The following FRYL variants were observed in gnomAD, a reference collection of about 807,000 sequenced individuals.
FRYL encodes the protein protein furry homolog-like.
In FRYL, 150 loss-of-function variants were observed where a neutral mutation model predicts 351.2. That is an observed-to-expected ratio of 0.43 (90% CI 0.37 to 0.49). The LOEUF (loss-of-function observed/expected upper bound fraction) is 0.49, where lower values mean the gene tolerates loss of function less well. Among genes scored for constraint, FRYL ranks in the 20% least tolerant of loss-of-function variants. FRYL has a pLI of 0.00. For synonymous variants in FRYL, 1,153 were observed against 1,257.1 expected, an observed-to-expected ratio of 0.92 and a Z score of 1.75; for missense variants, 3,036 against 3,619.3, an observed-to-expected ratio of 0.84 and a Z score of 4.13.
chr4:48,703,368 T>C (rs1578770162), intron 2 of FRYL, among the ~76,000 whole-genome samples: 1 of 152,212 alleles, frequency 6.6e-6, no homozygotes, highest in East Asian at 1.9e-4. Flanking sequence ...TACAACAGTC[T>C]GCTAACCAGC....
chr4:48,619,247 A>T, intron 7 of FRYL, 27 bp downstream of exon 7: 1 of 1,403,988 alleles, frequency 7.1e-7, no homozygotes, highest in Non-Finnish European at 1.0e-6. Flanking sequence ...TAAGGAATAC[A>T]GACTTTGCAG....
At chr4:48,652,305 C>T (rs1027536015) in intron 3 of FRYL, among the ~76,000 whole-genome samples, 5 of 152,150 alleles carry the variant, frequency 3.3e-5, no homozygotes, top group Non-Finnish European at 7.4e-5. Flanking sequence ...ATAAAACTGT[C>T]TTACTATTTT....
intron 1 of FRYL, among the ~76,000 whole-genome samples, chr4:48,770,680 G>A (rs1395230552): frequency 6.6e-6 from 1 of 152,020 alleles, no homozygotes; most frequent in Non-Finnish European, 1.5e-5. Flanking sequence ...CAGGTGATCT[G>A]CCCGCCTCAG....
rs140443013 is a variant in FRYL at position 48,666,383 on chromosome 4, GTAAATAAA to G, written c.-81+18282_-81+18289del. ...CTCAGTCTCAAAAAATAAATAAAAA[GTAAATAAA>G]TAAATAAATAAATAAATAAATAAGA... On this transcript the variant is annotated intron_variant, in intron 3 of 63. Coordinates refer to ENST00000358350, the MANE Select transcript of FRYL (RefSeq NM_015030.2). Among the ~76,000 whole-genome samples, 474 of 150,128 alleles carry G rather than the reference GTAAATAAA, an allele frequency of 3.2e-3. 3 individuals carry two copies. Among genetic ancestry groups the G allele is most frequent in the East Asian group, 0.016 (82 of 5,124 alleles).
intron 1 of FRYL, among the ~76,000 whole-genome samples, chr4:48,758,067 C>T (rs1470905221): frequency 6.6e-6 from 1 of 152,152 alleles, no homozygotes; most frequent in Admixed American, 6.5e-5. Context: ...CTTCCTTACA[C>T]CTTATACAAA....
chr4:48,542,694 G>T (rs997156606), intron 44 of FRYL, among the ~76,000 whole-genome samples: 1 of 152,160 alleles, frequency 6.6e-6, no homozygotes, highest in African/African-American at 2.4e-5. Flanking sequence ...GGGATTATAG[G>T]TGTGAGCCAC....
In FRYL at chr4:48,512,369, A is replaced by T. The variant is rs192735788; in HGVS notation, c.8145+112T>A. 28 of 830,286 alleles carry T rather than the reference A, an allele frequency of 3.4e-5. No homozygotes were observed. In the East Asian group the frequency reaches 6.6e-4, roughly 20 times the overall value. The allele number at this position is 830,286 out of a possible 1,614,324, so 51.4% of individuals were successfully genotyped here. A position where few individuals can be genotyped will look rare whatever the true frequency, so the allele number is the denominator to read the frequency against. On this transcript the variant is annotated intron_variant, in intron 57 of 63. Transcript: ENST00000358350. ...AATACCATTAGCTTAGAAAAAAAAA[A>T]TTTGTTAAAACTGGTAGGAATATTA...
At chr4:48,600,825 A>G (rs538201276) in intron 13 of FRYL, among the ~76,000 whole-genome samples, 1 of 152,298 alleles carries the variant, frequency 6.6e-6, no homozygotes, top group East Asian at 1.9e-4. Flanking sequence ...AATTAAATAA[A>G]ATTTATTTCC....
rs1303994669 is a variant in FRYL, at chr4:48,557,659, G to C, written c.3919C>G (p.His1307Asp). The change falls in exon 34 of 64, where the codon CAC (histidine) becomes GAC (aspartate). Residue 1307 changes from histidine (H) to aspartate (D), a missense_variant. This residue lies in a region of FRYL where 1,987 missense variants were observed against 2,311.7 expected (regional missense o/e 0.86). Transcript: ENST00000358350. The part of the protein sequence containing the change: ...AHPAGRQVML[H>D]YLLPWMNNIE... ...TTGTTCATCCATGGTAGCAGGTAGT[G>C]CAGCATCACCTGCCGCCCAGCAGGG... is the stretch of plus-strand genomic sequence containing the variant. 1 of 1,614,028 alleles carries C rather than the reference G, an allele frequency of 6.2e-7. No individual in the cohort carries two copies. Among genetic ancestry groups the C allele is most frequent in the African/African-American group, 1.3e-5 (1 of 74,902 alleles).
In FRYL at chr4:48,500,055, C is replaced by T; in HGVS notation, c.8758G>A (p.Ala2920Thr). ...CTGAAAGCTTTGACTTGTGCTACAG[C>T]TGATATAAATTCTTTATTTTTCAAA... Reference protein sequence around the residue: ...ETLKNKEFISAVAQVKAFRSL... With the variant: ...ETLKNKEFISTVAQVKAFRSL... Residue 2920 changes from alanine (A) to threonine (T), a missense_variant, in exon 63 of 64, where the codon GCT becomes ACT. Coordinates refer to ENST00000358350, the MANE Select transcript of FRYL (RefSeq NM_015030.2). 1 of 1,595,772 alleles carries T rather than the reference C, an allele frequency of 6.3e-7. No homozygotes were observed. Among genetic ancestry groups the T allele is most frequent in the Non-Finnish European group, 8.5e-7 (1 of 1,174,868 alleles).
intron 13 of FRYL, 53 bp from the exon 14 acceptor site, chr4:48,596,053 C>A: frequency 8.7e-7 from 1 of 1,154,402 alleles, no homozygotes; most frequent in Non-Finnish European, 1.3e-6. Flanking sequence ...AATCACTTAA[C>A]AGCAAACATA....
chr4:48,530,877 G>A (rs1387728336), intron 50 of FRYL, among the ~76,000 whole-genome samples: 14 of 152,200 alleles, frequency 9.2e-5, no homozygotes, highest in East Asian at 1.9e-4. Context: ...TATTCCAGCC[G>A]AGTGTTGATT....
intron 7 of FRYL, among the ~76,000 whole-genome samples, chr4:48,611,465 T>G (rs900189908): frequency 6.6e-6 from 1 of 152,068 alleles, no homozygotes; most frequent in East Asian, 1.9e-4. Flanking sequence ...GTGGGTCTAT[T>G]TTTGAGCTCT....
intron 34 of FRYL, 142 bp downstream of exon 34, chr4:48,557,311 A>G: frequency 8.0e-7 from 1 of 1,246,098 alleles, no homozygotes; most frequent in Non-Finnish European, 1.1e-6. Context: ...TTAGTAAAAA[A>G]AATTCATATC....
rs1185646522 is a variant in FRYL at position 48,696,635 on chromosome 4, G to A, written c.-203-11840C>T. On this transcript the variant is annotated intron_variant, in intron 2 of 63. Coordinates refer to ENST00000358350, the MANE Select transcript of FRYL (RefSeq NM_015030.2). ...GGTGCAGGACACCATTATGGCACAC[G>A]TATACCTATACAACAAACCTACACG... 3.9e-5 allele frequency among the ~76,000 whole-genome samples: 6 copies of A among 151,918 alleles called. No individual in the cohort carries two copies. The East Asian group carries it at 9.6e-4, about 24-fold the overall frequency.
In FRYL at chr4:48,499,346, A is replaced by T; in HGVS notation, c.*76T>A. 7.8e-7 allele frequency: 1 copy of T among 1,284,316 alleles called. No homozygotes were observed. Among genetic ancestry groups the T allele is most frequent in the Non-Finnish European group, 1.1e-6 (1 of 897,232 alleles). The allele number at this position is 1,284,316 out of a possible 1,614,324, so 79.6% of individuals were successfully genotyped here. A position where few individuals can be genotyped will look rare whatever the true frequency, so the allele number is the denominator to read the frequency against. On this transcript the variant is annotated 3_prime_UTR_variant, in exon 64 of 64. Coordinates refer to ENST00000358350, the MANE Select transcript of FRYL (RefSeq NM_015030.2). ...TGCCAGAAAGTTATCAGTGAATGCAAGGGTCCATAAAAGGTGCTTGGTTAA... is the reference window on the plus strand; with the variant it reads ...TGCCAGAAAGTTATCAGTGAATGCATGGGTCCATAAAAGGTGCTTGGTTAA...
intron 3 of FRYL, among the ~76,000 whole-genome samples, chr4:48,639,170 C>T (rs1253009340): frequency 2.6e-5 from 4 of 151,632 alleles, no homozygotes; most frequent in Non-Finnish European, 5.9e-5. Context: ...GGTCTACCCC[C>T]CAAGTTAATT....
At chr4:48,526,026 G>A (rs995565571) in intron 53 of FRYL, among the ~76,000 whole-genome samples, 14 of 151,592 alleles carry the variant, frequency 9.2e-5, no homozygotes, top group Non-Finnish European at 1.6e-4. Context: ...TGTATGAGCT[G>A]TATATTAGTA....
chr4:48,531,973 C>T (rs1318719462), intron 49 of FRYL, among the ~76,000 whole-genome samples: 1 of 151,736 alleles, frequency 6.6e-6, no homozygotes, highest in African/African-American at 2.4e-5. Flanking sequence ...TTCTGCTTGT[C>T]TTAGTTTTGT....
Sources: gnomAD v4.1 joint callset for allele counts (sites outside exome capture counted in the v4.1 genomes callset) on GRCh38, gnomAD v4.1.1 for gene constraint, gnomAD v4.1.1 regional missense constraint, MANE v1.5 for transcripts, NCBI Gene and HGNC (gene_info 2026-07-23, HGNC 2026-07-21) for gene names.